ELOVL2: variants seen among roughly 807,000 people sequenced by gnomAD.
ELOVL2 encodes the protein ELOVL fatty acid elongase 2, also known as very long chain fatty acid elongase 2.
ELOVL2 carries 38 observed loss-of-function variants against 37.7 expected under a neutral mutation model. The ratio of observed to expected loss-of-function variants is 1.01; its 90% CI spans 0.78 to 1.32. ELOVL2 has a LOEUF of 1.32. ELOVL2 is among the 40% of genes most tolerant of loss of function. The pLI is 0.00. For missense variants in ELOVL2, 352 were observed against 363.6 expected, an observed-to-expected ratio of 0.97 and a Z score of 0.26; for synonymous variants, 115 against 122.3, an observed-to-expected ratio of 0.94 and a Z score of 0.40.
rs763748228 is a variant in ELOVL2, at chr6:11,005,362, A to G, written c.255+10T>C. On this transcript the variant is annotated intron_variant, in intron 3 of 7. Transcript: ENST00000354666. ...TACTGGACTTCAGCTTTGGCTACAT[A>G]AACACTTACCTCTGCCAGCATGTAC... 6.2e-6 allele frequency: 10 copies of G among 1,607,350 alleles called. No individual in the cohort carries two copies. Among genetic ancestry groups the G allele is most frequent in the Non-Finnish European group, 5.1e-6 (6 of 1,177,074 alleles).
intron 1 of ELOVL2, among the ~76,000 whole-genome samples, chr6:11,043,987 G>A (rs1334454620): frequency 6.6e-6 from 1 of 151,736 alleles, no homozygotes; most frequent in Non-Finnish European, 1.5e-5. Flanking sequence ...CCGGGGAGAG[G>A]GGACCGAGAC....
At chr6:11,001,653 C>T (rs1782385090) in intron 3 of ELOVL2, among the ~76,000 whole-genome samples, 1 of 152,164 alleles carries the variant, frequency 6.6e-6, no homozygotes, top group Non-Finnish European at 1.5e-5. Context: ...TTCTGTTTCC[C>T]CATGTTTCCT....
At chr6:11,015,325 T>C (rs1044472434) in intron 1 of ELOVL2, among the ~76,000 whole-genome samples, 11 of 152,142 alleles carry the variant, frequency 7.2e-5, no homozygotes, top group African/African-American at 2.7e-4. Context: ...ATGCTCTTCA[T>C]GCCAAAGGGA....
chr6:10,993,532 T>A (rs959003013), intron 5 of ELOVL2, among the ~76,000 whole-genome samples: 1 of 152,244 alleles, frequency 6.6e-6, no homozygotes. Flanking sequence ...ATGTATATAT[T>A]TTCATTTGAA....
intron 5 of ELOVL2, among the ~76,000 whole-genome samples, chr6:10,993,087 A>G (rs905087611): frequency 2.0e-5 from 3 of 151,690 alleles, no homozygotes; most frequent in Non-Finnish European, 4.4e-5. Context: ...TATAACCAAC[A>G]ATACTGAAAA....
intron 1 of ELOVL2, among the ~76,000 whole-genome samples, chr6:11,035,479 T>G (rs1406314347): frequency 6.6e-6 from 1 of 152,178 alleles, no homozygotes; most frequent in Non-Finnish European, 1.5e-5. Flanking sequence ...TTTCATCATT[T>G]TCTCCTCTCA....
intron 1 of ELOVL2, among the ~76,000 whole-genome samples, chr6:11,015,020 A>G (rs1382920285): frequency 6.6e-6 from 1 of 152,248 alleles, no homozygotes; most frequent in Non-Finnish European, 1.5e-5. Flanking sequence ...TATAGTAAAT[A>G]CTACTCAGCA....
intron 1 of ELOVL2, among the ~76,000 whole-genome samples, chr6:11,014,931 C>T (rs1363522555): frequency 6.6e-6 from 1 of 152,202 alleles, no homozygotes; most frequent in Non-Finnish European, 1.5e-5. Flanking sequence ...CGCAAATATT[C>T]ATAGCAATTT....
intron 5 of ELOVL2, among the ~76,000 whole-genome samples, chr6:10,991,248 A>G (rs1169667881): frequency 6.6e-6 from 1 of 152,194 alleles, no homozygotes; most frequent in East Asian, 1.9e-4. Context: ...AAATAAGGAA[A>G]CTCAGTGTTG....
intron 1 of ELOVL2, chr6:11,043,432 C>CACACACAG (rs1428059244): frequency 1.7e-5 from 2 of 115,052 alleles, no homozygotes; most frequent in African/African-American, 7.4e-5. Context: ...CACACACACA[C>CACACACAG]AGCTTACTGT....
At chr6:10,985,669 A>G (rs1245717114) in intron 7 of ELOVL2, among the ~76,000 whole-genome samples, 2 of 151,870 alleles carry the variant, frequency 1.3e-5, no homozygotes, top group South Asian at 2.1e-4. Flanking sequence ...GATACGCAGC[A>G]TTATTTCTGA....
intron 1 of ELOVL2, among the ~76,000 whole-genome samples, chr6:11,018,973 A>C (rs1782724271): frequency 6.6e-6 from 1 of 152,274 alleles, no homozygotes; most frequent in Admixed American, 6.5e-5. Context: ...GTTTTACCTT[A>C]TATTTCCTGT....
intron 1 of ELOVL2, among the ~76,000 whole-genome samples, chr6:11,011,589 TTAAG>T (rs1470777847): frequency 1.3e-5 from 2 of 152,340 alleles, no homozygotes; most frequent in African/African-American, 2.4e-5. Context: ...ATCTAAAACT[TTAAG>T]TAGGACTGTT....
intron 2 of ELOVL2, among the ~76,000 whole-genome samples, chr6:11,008,675 G>T (rs955241789): frequency 1.3e-5 from 2 of 152,160 alleles, no homozygotes; most frequent in Non-Finnish European, 2.9e-5. Flanking sequence ...GTAAGGGAGA[G>T]AACATAGTAA....
intron 3 of ELOVL2, among the ~76,000 whole-genome samples, chr6:11,002,364 C>T (rs752600360): frequency 1.2e-4 from 19 of 152,148 alleles, no homozygotes; most frequent in East Asian, 1.9e-4. Context: ...ATAATTATTG[C>T]GGTGATTTTC....
Position 11,044,274 on chromosome 6 carries a change from G to GCGCTGTC in ELOVL2, c.-51_-45dup. On this transcript the variant is annotated 5_prime_UTR_variant, in exon 1 of 8. Coordinates refer to ENST00000354666, the MANE Select transcript of ELOVL2 (RefSeq NM_017770.4). The surrounding 1 kb of genome is among the most constrained non-coding windows in gnomAD (Gnocchi z 5.6). ...CGCGGCGACCCGGGCGGGCGGCGATGCGCTGTCCAGGGTAGCCGGGTCCCT... is the reference window on the plus strand; with the variant it reads ...CGCGGCGACCCGGGCGGGCGGCGATGCGCTGTCCGCTGTCCAGGGTAGCCGGGTCCCT... The GCGCTGTC allele has an allele frequency of 7.6e-7, 1 of 1,311,068 alleles. No individual in the cohort carries two copies. The allele number at this position is 1,311,068 out of a possible 1,614,324, so 81.2% of individuals were successfully genotyped here.
chr6:10,989,638 T>C, intron 7 of ELOVL2, 65 bp downstream of exon 7: 3 of 1,375,298 alleles, frequency 2.2e-6, no homozygotes, highest in South Asian at 2.6e-5. Context: ...AAACTCTGTC[T>C]CCAAAAAAAA....
rs893190741 is a variant in ELOVL2 at position 10,995,034 on chromosome 6, C to T, written c.478G>A (p.Val160Ile). ...HASMFNIWWC[V>I]LNWIPCGQSF... ...TGTCCACAAGGTATCCAGTTCAAGA[C>T]ACACCACCAGATGTTAAACATAGAA... The change falls in exon 5 of 8, where the codon GTC (valine) becomes ATC (isoleucine). Residue 160 changes from valine (V) to isoleucine (I), a missense_variant. Transcript: ENST00000354666. 1 of 1,610,504 alleles carries T rather than the reference C, an allele frequency of 6.2e-7. No homozygotes were observed. The highest frequency in any genetic ancestry group is 8.5e-7 in the Non-Finnish European group (1 of 1,178,758).
Position 10,982,261 on chromosome 6 carries a change from A to G in ELOVL2, c.*1520T>C, listed in dbSNP as rs1781949070. ...GAAATAAAAGTACAATTTTTTTAACAGGAGAAAGTTTAAAACTAGAGCTCA... is the reference window on the plus strand; with the variant it reads ...GAAATAAAAGTACAATTTTTTTAACGGGAGAAAGTTTAAAACTAGAGCTCA... On this transcript the variant is annotated 3_prime_UTR_variant, in exon 8 of 8. Coordinates refer to ENST00000354666, the MANE Select transcript of ELOVL2 (RefSeq NM_017770.4). 1 of 152,136 alleles carries G rather than the reference A, an allele frequency of 6.6e-6. No individual in the cohort carries two copies. The highest frequency in any genetic ancestry group is 1.5e-5 in the Non-Finnish European group (1 of 68,014). The allele number at this position is 152,136 out of a possible 1,614,324, so 9.4% of individuals were successfully genotyped here. A position where few individuals can be genotyped will look rare whatever the true frequency, so the allele number is the denominator to read the frequency against.
Sources: gnomAD v4.1 joint callset for allele counts (sites outside exome capture counted in the v4.1 genomes callset) on GRCh38, gnomAD v4.1.1 for gene constraint, Gnocchi (gnomAD v3.1) non-coding constraint, MANE v1.5 for transcripts, NCBI Gene and HGNC (gene_info 2026-07-23, HGNC 2026-07-21) for gene names.